The following COL5A2 variants were observed in gnomAD, a reference collection of about 807,000 sequenced individuals.
COL5A2 encodes the protein collagen type V alpha 2 chain.
Under a neutral mutation model 208.2 loss-of-function variants are expected in COL5A2, and 23 were observed. That is an observed-to-expected ratio of 0.11 (90% CI 0.08 to 0.16). COL5A2 has a LOEUF of 0.16. Ranked by LOEUF, COL5A2 falls within the 10% of genes least tolerant of loss-of-function variation. COL5A2 has a pLI of 1.00. For missense variants in COL5A2, 1,590 were observed against 1,956.4 expected (o/e 0.81, Z 3.53); for synonymous variants, 625 against 628.5 (o/e 0.99, Z 0.08).
chr2:189,122,889 T>A (rs1374550499), intron 1 of COL5A2, among the ~76,000 whole-genome samples: 1 of 152,222 alleles, frequency 6.6e-6, no homozygotes, highest in Admixed American at 6.5e-5. Flanking sequence ...ACAGTAGTTA[T>A]GAGAACAGAG....
intron 1 of COL5A2, among the ~76,000 whole-genome samples, chr2:189,206,903 T>C (rs550055632): frequency 3.9e-4 from 59 of 152,354 alleles, no homozygotes; most frequent in Non-Finnish European, 7.8e-4. Flanking sequence ...TAAGAACCTG[T>C]AAATTCTATT....
intron 42 of COL5A2, 46 bp downstream of exon 42, chr2:189,051,274 A>G: frequency 1.2e-6 from 2 of 1,612,324 alleles, no homozygotes; most frequent in Non-Finnish European, 1.7e-6. Flanking sequence ...TTCTATTTGT[A>G]AATATCTCAG....
the COL5A2 span, among the ~76,000 whole-genome samples, chr2:189,439,817 C>T: frequency 1.3e-4 from 20 of 152,158 alleles, no homozygotes; most frequent in Non-Finnish European, 2.2e-4. Context: ...CAGTAACATA[C>T]AACTAAAGTC....
chr2:189,163,738 T>C (rs927923189), intron 1 of COL5A2, among the ~76,000 whole-genome samples: 7 of 152,210 alleles, frequency 4.6e-5, no homozygotes, highest in African/African-American at 1.4e-4. Context: ...ATGACTTAAG[T>C]GAAGTACCTT....
At chr2:189,191,158 A>AACAC (rs764677628) in intron 1 of COL5A2, among the ~76,000 whole-genome samples, 2 of 130,746 alleles carry the variant, frequency 1.5e-5, no homozygotes, top group Non-Finnish European at 3.2e-5. Flanking sequence ...AAAACAAAAA[A>AACAC]CAAACAAACA....
At chr2:189,250,361 A>C in the COL5A2 span, among the ~76,000 whole-genome samples, 1 of 152,190 alleles carries the variant, frequency 6.6e-6, no homozygotes, top group Admixed American at 6.5e-5. Context: ...TAAATCAAAG[A>C]GCCAAAATTA....
the COL5A2 span, among the ~76,000 whole-genome samples, chr2:189,317,183 G>T: frequency 1.2e-3 from 179 of 152,148 alleles, 1 homozygote; most frequent in East Asian, 0.028. Context: ...ATGTCACAGA[G>T]TTCAGGTTCC....
the COL5A2 span, among the ~76,000 whole-genome samples, chr2:189,240,090 T>C: frequency 1.3e-5 from 2 of 152,206 alleles, no homozygotes; most frequent in African/African-American, 4.8e-5. Context: ...GTTAATGATA[T>C]ACGTGAGCCA....
At chr2:189,052,727 G>T (rs757835646) in intron 40 of COL5A2, 22 bp downstream of exon 40, 13 of 1,612,370 alleles carry the variant, frequency 8.1e-6, no homozygotes. Context: ...TGCATACTTT[G>T]CAGAGCATCA....
the COL5A2 span, among the ~76,000 whole-genome samples, chr2:189,366,026 T>G: frequency 1.3e-5 from 2 of 152,216 alleles, no homozygotes; most frequent in Non-Finnish European, 2.9e-5. Flanking sequence ...ACTTTCCTTC[T>G]CCTCATGTCC....
chr2:189,184,073 C>A (rs1688816664), upstream of COL5A2, among the ~76,000 whole-genome samples: 1 of 152,072 alleles, frequency 6.6e-6, no homozygotes, highest in South Asian at 2.1e-4. Context: ...AGCTTACAAC[C>A]TTGAGTGGAA....
intron 35 of COL5A2, among the ~76,000 whole-genome samples, chr2:189,055,180 G>T (rs1301623524): frequency 6.6e-6 from 1 of 152,148 alleles, no homozygotes; most frequent in African/African-American, 2.4e-5. Flanking sequence ...ATCGCGCCCA[G>T]CCAGTTTTCT....
chr2:189,301,334 C>T, the COL5A2 span, among the ~76,000 whole-genome samples: 1 of 152,084 alleles, frequency 6.6e-6, no homozygotes, highest in African/African-American at 2.4e-5. Context: ...GATACCCTAC[C>T]CAATTCACTT....
At chr2:189,295,548 G>A in the COL5A2 span, among the ~76,000 whole-genome samples, 4 of 152,328 alleles carry the variant, frequency 2.6e-5, no homozygotes, top group Non-Finnish European at 5.9e-5. Flanking sequence ...CCGGGAGGCA[G>A]AAGTTGCAGT....
At chr2:189,103,924 C>T (rs7425327) in intron 3 of COL5A2, among the ~76,000 whole-genome samples, 17,206 of 151,918 alleles carry the variant, frequency 0.11, 1,038 homozygotes, top group Middle Eastern at 0.18. Context: ...TTTCTTCCAT[C>T]AAATGTGTAT....
intron 3 of COL5A2, among the ~76,000 whole-genome samples, chr2:189,100,368 T>G (rs911492187): frequency 2.0e-5 from 3 of 152,098 alleles, no homozygotes; most frequent in Admixed American, 6.5e-5. Flanking sequence ...GTGTGAAATA[T>G]GTAAAGCTAT....
intron 1 of COL5A2, among the ~76,000 whole-genome samples, chr2:189,178,574 T>G (rs1487139188): frequency 6.6e-6 from 1 of 152,078 alleles, no homozygotes; most frequent in Non-Finnish European, 1.5e-5. Context: ...AAAGATTTAA[T>G]AGAGGAATCA....
rs572107823 is a variant in COL5A2, at chr2:189,218,551, TTC to T, written c.-42+6595_-42+6596del. 1.5e-4 allele frequency among the ~76,000 whole-genome samples: 23 copies of T among 152,284 alleles called. 1 individual carries two copies. The South Asian group carries it at 3.7e-3, about 25-fold the overall frequency. On this transcript the variant is annotated intron_variant, in intron 1 of 10. Coordinates refer to the COL5A2 transcript ENST00000649966. ...AATCCAGAACTGTGAGGGAATAAAT[TTC>T]TGTTGTTTTAAGCCATAAAAAAGGA...
upstream of COL5A2, among the ~76,000 whole-genome samples, chr2:189,227,586 T>C (rs928752505): frequency 1.3e-5 from 2 of 151,972 alleles, no homozygotes; most frequent in African/African-American, 2.4e-5. Flanking sequence ...ACAGACAAAA[T>C]AGACATTATG....
Sources: allele counts gnomAD v4.1 joint callset (sites outside exome capture counted in the v4.1 genomes callset), GRCh38; gene constraint gnomAD v4.1.1; transcripts MANE v1.5; gene names NCBI Gene and HGNC (gene_info 2026-07-23, HGNC 2026-07-21).